The following DLG1 variants were observed in gnomAD, a reference collection of about 807,000 sequenced individuals.
The protein encoded by DLG1 is disks large homolog 1.
A neutral mutation model predicts 123.4 loss-of-function variants in DLG1; 42 were observed. That is an observed-to-expected ratio of 0.34 (90% confidence interval 0.27 to 0.44). DLG1 has a LOEUF of 0.44. Among genes scored for constraint, DLG1 ranks in the 20% least tolerant of loss-of-function variants. DLG1 has a pLI of 1.00. For synonymous variants in DLG1, 317 were observed against 356.2 expected (o/e 0.89, Z 1.24); for missense variants, 942 against 1,082.6 (o/e 0.87, Z 1.82).
intron 19 of DLG1, among the ~76,000 whole-genome samples, chr3:197,067,265 T>G (rs1227112237): frequency 6.6e-6 from 1 of 151,944 alleles, no homozygotes; most frequent in East Asian, 1.9e-4. Flanking sequence ...CTGTTACTAT[T>G]TCACTGATGA....
chr3:197,226,377 T>C (rs1194573908), intron 4 of DLG1: 2 of 152,154 alleles, frequency 1.3e-5, no homozygotes, highest in East Asian at 3.8e-4. Flanking sequence ...GCAGAGCCAC[T>C]ATGCTCAAAT....
intron 5 of DLG1, among the ~76,000 whole-genome samples, chr3:197,193,824 CTT>C (rs541980236): frequency 9.1e-5 from 13 of 143,620 alleles, no homozygotes; most frequent in Non-Finnish European, 7.7e-5. Flanking sequence ...TGTTAATGCT[CTT>C]TTTTTTTTTT....
intron 5 of DLG1, among the ~76,000 whole-genome samples, chr3:197,191,856 A>G (rs974970474): frequency 6.6e-6 from 1 of 152,202 alleles, no homozygotes; most frequent in African/African-American, 2.4e-5. Flanking sequence ...GTAATAAGGG[A>G]AAGTGAGATG....
intron 4 of DLG1, among the ~76,000 whole-genome samples, chr3:197,230,019 T>C (rs1561572251): frequency 6.6e-6 from 1 of 152,230 alleles, no homozygotes; most frequent in South Asian, 2.1e-4. Context: ...AATTAATAAA[T>C]GCAAGCCAAG....
chr3:197,250,720 A>C (rs768279964), intron 4 of DLG1, among the ~76,000 whole-genome samples: 2 of 152,108 alleles, frequency 1.3e-5, no homozygotes, highest in Non-Finnish European at 2.9e-5. Flanking sequence ...CTAACTAAAG[A>C]AAATGAACTC....
At chr3:197,190,593 C>T (rs992829036) in intron 5 of DLG1, among the ~76,000 whole-genome samples, 3 of 152,170 alleles carry the variant, frequency 2.0e-5, no homozygotes, top group Admixed American at 6.5e-5. Context: ...CAACTGTGCC[C>T]GCACATTAGA....
intron 4 of DLG1, among the ~76,000 whole-genome samples, chr3:197,215,154 CTG>C (rs1034913850): frequency 6.6e-5 from 10 of 152,166 alleles, no homozygotes; most frequent in African/African-American, 2.2e-4. Flanking sequence ...ACAATTAAAA[CTG>C]GTATTATTCT....
Position 197,225,300 on chromosome 3 carries a change from A to T in DLG1, c.319-30711T>A, listed in dbSNP as rs10461050. On this transcript the variant is annotated intron_variant, in intron 4 of 24. Coordinates refer to ENST00000667157, the MANE Select transcript of DLG1 (RefSeq NM_001366207.1). ...TTTTATATAAGAATAACCATCTTTA[A>T]GGCAAACTACATTCATTTTATTTAT... 5.0e-3 allele frequency among the ~76,000 whole-genome samples: 758 copies of T among 152,232 alleles called. 4 individuals are homozygous for T. Among genetic ancestry groups the T allele is most frequent in the Non-Finnish European group, 8.3e-3 (567 of 68,006 alleles).
chr3:197,146,416 T>C (rs145741516), intron 6 of DLG1, among the ~76,000 whole-genome samples: 13 of 152,266 alleles, frequency 8.5e-5, no homozygotes, highest in South Asian at 8.3e-4. Flanking sequence ...TATGAGGCCA[T>C]AGTCATCAAA....
chr3:197,120,279 A>G (rs1775626044), intron 11 of DLG1, among the ~76,000 whole-genome samples: 1 of 151,794 alleles, frequency 6.6e-6, no homozygotes, highest in South Asian at 2.1e-4. Context: ...GAAAGAAAAA[A>G]AAAAAAAAAA....
At chr3:197,247,360 G>A (rs967107062) in intron 4 of DLG1, among the ~76,000 whole-genome samples, 35 of 152,084 alleles carry the variant, frequency 2.3e-4, no homozygotes, top group Non-Finnish European at 4.0e-4. Context: ...CACTTGGGGC[G>A]GGGGATTTGG....
chr3:197,105,952 T>G (rs567337267), intron 13 of DLG1, among the ~76,000 whole-genome samples: 3 of 152,320 alleles, frequency 2.0e-5, no homozygotes, highest in East Asian at 3.9e-4. Context: ...TGAGAACTAA[T>G]CTAAAATCTG....
intron 22 of DLG1, among the ~76,000 whole-genome samples, chr3:197,064,341 C>G (rs775884746): frequency 6.6e-6 from 1 of 151,972 alleles, no homozygotes; most frequent in Non-Finnish European, 1.5e-5. Flanking sequence ...TTAAGGCATG[C>G]ACTGCCAAGC....
intron 4 of DLG1, among the ~76,000 whole-genome samples, chr3:197,245,385 G>A (rs575022410): frequency 1.1e-4 from 17 of 152,268 alleles, no homozygotes; most frequent in Non-Finnish European, 2.1e-4. Context: ...TACTTTAGGC[G>A]GCCTGTTGGG....
At chr3:197,171,152 AAAGT>A (rs1803999905) in intron 5 of DLG1, among the ~76,000 whole-genome samples, 1 of 150,568 alleles carries the variant, frequency 6.6e-6, no homozygotes, top group Admixed American at 6.6e-5. Flanking sequence ...AAGCTATTTA[AAAGT>A]AAGAGAGAAA....
intron 4 of DLG1, chr3:197,260,443 G>A: frequency 4.8e-6 from 1 of 209,760 alleles, no homozygotes; most frequent in Non-Finnish European, 9.8e-6. Flanking sequence ...TCCATTCTTA[G>A]AGGTAGCAAT....
Position 197,043,249 on chromosome 3 carries a change from C to T in DLG1, c.*1374G>A, listed in dbSNP as rs1473365197. 1 of 152,134 alleles carries T rather than the reference C, an allele frequency of 6.6e-6. No homozygotes were observed. 9.4% of individuals were successfully genotyped at this position (152,134 alleles called of 1,614,324 possible). A position where few individuals can be genotyped will look rare whatever the true frequency, so the allele number is the denominator to read the frequency against. ...GGGGAAAACACACACATAAATGGGG[C>T]TTTTGCCTGCCTTCCTATTAATAAA... On this transcript the variant is annotated 3_prime_UTR_variant, in exon 25 of 25. Transcript: ENST00000667157.
chr3:197,231,556 C>T (rs1561580510), intron 4 of DLG1, among the ~76,000 whole-genome samples: 1 of 151,902 alleles, frequency 6.6e-6, no homozygotes, highest in Non-Finnish European at 1.5e-5. Context: ...CAAAAATTAG[C>T]CAGGCATGGT....
intron 3 of DLG1, among the ~76,000 whole-genome samples, chr3:197,284,039 T>A (rs1161359923): frequency 1.3e-5 from 2 of 151,960 alleles, no homozygotes; most frequent in Non-Finnish European, 2.9e-5. Flanking sequence ...TTTTGTACTT[T>A]TAGTAGAGAC....
Sources: allele counts gnomAD v4.1 joint callset (sites outside exome capture counted in the v4.1 genomes callset), GRCh38; gene constraint gnomAD v4.1.1; transcripts MANE v1.5; gene names NCBI Gene and HGNC (gene_info 2026-07-23, HGNC 2026-07-21).